CTNNA2: variants seen among roughly 807,000 people sequenced by gnomAD.
CTNNA2 encodes catenin alpha-2.
Under a neutral mutation model 101.0 loss-of-function variants are expected in CTNNA2, and 42 were observed. That is an observed-to-expected ratio of 0.42 (90% confidence interval 0.32 to 0.54). The LOEUF is 0.54. CTNNA2 is among the 20% of genes least tolerant of loss of function. CTNNA2 has a pLI of 0.14. For missense variants in CTNNA2, 871 were observed against 1,223.1 expected, an observed-to-expected ratio of 0.71 and a Z score of 4.29; for synonymous variants, 450 against 456.4, an observed-to-expected ratio of 0.99 and a Z score of 0.18.
chr2:79,515,021 A>T (rs1671734794), intron 1 of CTNNA2, among the ~76,000 whole-genome samples: 1 of 152,218 alleles, frequency 6.6e-6, no homozygotes, highest in South Asian at 2.1e-4. Flanking sequence ...GATTTGATGA[A>T]GAGCTGATAG....
At chr2:80,630,161 C>A (rs189018066) in intron 18 of CTNNA2, among the ~76,000 whole-genome samples, 155 of 152,254 alleles carry the variant, frequency 1.0e-3, no homozygotes, top group African/African-American at 3.7e-3. Context: ...TTATGTATTT[C>A]TATTCCCAAC....
At chr2:80,400,554 T>C (rs550024231) in intron 8 of CTNNA2, among the ~76,000 whole-genome samples, 35 of 152,278 alleles carry the variant, frequency 2.3e-4, no homozygotes, top group African/African-American at 8.2e-4. Context: ...CCTTGACTCA[T>C]CTTTGTCCTC....
chr2:79,878,673 TG>T (rs1683198637), intron 6 of CTNNA2, among the ~76,000 whole-genome samples: 6 of 152,180 alleles, frequency 3.9e-5, no homozygotes, highest in Admixed American at 3.9e-4. Flanking sequence ...CACTTTTGGA[TG>T]GGGTTGTTTG....
chr2:79,293,072 A>T (rs960654193), intron 2 of CTNNA2: 2 of 152,158 alleles, frequency 1.3e-5, no homozygotes, highest in Admixed American at 1.3e-4. Flanking sequence ...TCATCCCCAA[A>T]AGCTTTCCCC....
intron 8 of CTNNA2, among the ~76,000 whole-genome samples, chr2:80,399,903 A>G (rs186956700): frequency 2.0e-5 from 3 of 152,228 alleles, no homozygotes; most frequent in African/African-American, 7.2e-5. Context: ...AGATTGTTTC[A>G]TAGAATGCCC....
intron 1 of CTNNA2, among the ~76,000 whole-genome samples, chr2:79,586,527 C>CTTT (rs10629514): frequency 0.027 from 4,053 of 147,928 alleles, 71 homozygotes; most frequent in Non-Finnish European, 0.031. Flanking sequence ...CTTTTCTTTT[C>CTTT]TTTTTTTTTA....
chr2:79,261,931 A>C (rs919412206), intron 2 of CTNNA2, among the ~76,000 whole-genome samples: 3 of 152,180 alleles, frequency 2.0e-5, no homozygotes, highest in African/African-American at 7.2e-5. Flanking sequence ...AGTCATCTAT[A>C]TAGGAATTTC....
Position 80,542,887 on chromosome 2 carries a change from C to A in CTNNA2, c.1291-2095C>A, listed in dbSNP as rs376104654. 5.7e-3 allele frequency among the ~76,000 whole-genome samples: 859 copies of A among 150,596 alleles called. 10 individuals are homozygous for A. Among genetic ancestry groups the A allele is most frequent in the African/African-American group, 0.017 (714 of 40,964 alleles). On this transcript the variant is annotated intron_variant, in intron 9 of 18. Transcript: ENST00000402739. ...CACTATCCTGATTTTTTCCCCCCCCCACATGCCACTTTGGACAGGGGAAGC... is the reference window on the plus strand; with the variant it reads ...CACTATCCTGATTTTTTCCCCCCCCAACATGCCACTTTGGACAGGGGAAGC...
At chr2:79,797,910 T>G (rs1286808591) in intron 3 of CTNNA2, among the ~76,000 whole-genome samples, 1 of 152,214 alleles carries the variant, frequency 6.6e-6, no homozygotes, top group African/African-American at 2.4e-5. Flanking sequence ...TTTCTTAATT[T>G]TTTTTATATT....
At chr2:79,752,282 A>C (rs911835097) in intron 3 of CTNNA2, among the ~76,000 whole-genome samples, 1 of 152,216 alleles carries the variant, frequency 6.6e-6, no homozygotes, top group Non-Finnish European at 1.5e-5. Flanking sequence ...TCCAGCGAAC[A>C]AAGAATCCTA....
rs535569975 is a variant in CTNNA2 at position 79,769,003 on chromosome 2, C to T, written c.298+24421C>T. On this transcript the variant is annotated intron_variant, in intron 3 of 18. Transcript: ENST00000402739. ...CTGAGTAGCTGGGACTATAGGTGCC[C>T]GCCACCACGCCTGGCTAATTTTTTT... is the stretch of plus-strand genomic sequence containing the variant. Among the ~76,000 whole-genome samples the T allele has an allele frequency of 2.9e-4, 44 of 152,132 alleles. 1 individual carries two copies. The South Asian group carries it at 5.4e-3, about 19-fold the overall frequency.
At chr2:80,443,189 A>C (rs1395048249) in intron 9 of CTNNA2, among the ~76,000 whole-genome samples, 1 of 152,182 alleles carries the variant, frequency 6.6e-6, no homozygotes, top group African/African-American at 2.4e-5. Context: ...GACTCAGGGA[A>C]GCATCGCTTG....
At chr2:79,217,393 G>A (rs1674278824) in intron 2 of CTNNA2, among the ~76,000 whole-genome samples, 1 of 152,144 alleles carries the variant, frequency 6.6e-6, no homozygotes, top group African/African-American at 2.4e-5. Context: ...CAGGGGGGCT[G>A]AGTCTGAAAA....
At chr2:79,334,770 T>A (rs1676957098) in intron 3 of CTNNA2, among the ~76,000 whole-genome samples, 1 of 152,118 alleles carries the variant, frequency 6.6e-6, no homozygotes, top group Admixed American at 6.5e-5. Flanking sequence ...ATGCAAATCA[T>A]TGCACCCTTC....
At chr2:79,736,847 T>A (rs1670917791) in intron 2 of CTNNA2, among the ~76,000 whole-genome samples, 1 of 152,146 alleles carries the variant, frequency 6.6e-6, no homozygotes, top group African/African-American at 2.4e-5. Context: ...CCAAATTATC[T>A]TGGTTCTCCT....
At chr2:79,918,724 A>G (rs1686433396) in intron 7 of CTNNA2, among the ~76,000 whole-genome samples, 2 of 152,168 alleles carry the variant, frequency 1.3e-5, no homozygotes, top group African/African-American at 4.8e-5. Context: ...GTAGAAGCAA[A>G]TACTAATGCC....
chr2:79,678,728 T>C (rs1683361291), intron 2 of CTNNA2, among the ~76,000 whole-genome samples: 1 of 151,896 alleles, frequency 6.6e-6, no homozygotes, highest in Non-Finnish European at 1.5e-5. Context: ...CCTGGGTCTT[T>C]TGCATCTTTC....
At chr2:80,057,441 A>T (rs1697296387) in intron 7 of CTNNA2, among the ~76,000 whole-genome samples, 1 of 152,224 alleles carries the variant, frequency 6.6e-6, no homozygotes, top group South Asian at 2.1e-4. Flanking sequence ...CTAAATGTTA[A>T]TTAAAAGAGA....
chr2:80,523,626 C>A (rs544382898), intron 9 of CTNNA2, among the ~76,000 whole-genome samples: 1 of 152,224 alleles, frequency 6.6e-6, no homozygotes, highest in African/African-American at 2.4e-5. Flanking sequence ...GAGCTCGGCT[C>A]CCCTGTTGTA....
Sources: gnomAD v4.1 joint callset for allele counts (sites outside exome capture counted in the v4.1 genomes callset) on GRCh38, gnomAD v4.1.1 for gene constraint, MANE v1.5 for transcripts, NCBI Gene and HGNC (gene_info 2026-07-23, HGNC 2026-07-21) for gene names.